Variants in ECT2 observed in about 807,000 individuals in gnomAD.
The protein encoded by ECT2 is epithelial cell transforming 2.
In ECT2, 61 loss-of-function variants were observed where a neutral mutation model predicts 116.9. That is an observed-to-expected ratio of 0.52 (90% confidence interval 0.42 to 0.65). The LOEUF (loss-of-function observed/expected upper bound fraction) is 0.65, where lower values mean the gene tolerates loss of function less well. Among genes scored for constraint, ECT2 ranks in the 30% least tolerant of loss-of-function variants. The pLI, the probability that ECT2 is intolerant of heterozygous loss-of-function variation, is 0.00. For synonymous variants in ECT2, 358 were observed against 346.4 expected, an observed-to-expected ratio of 1.03 and a Z score of -0.37; for missense variants, 937 against 1,078.7, an observed-to-expected ratio of 0.87 and a Z score of 1.84.
At chr3:172,789,060 A>G (rs1724136976) in intron 18 of ECT2, among the ~76,000 whole-genome samples, 1 of 150,538 alleles carries the variant, frequency 6.6e-6, no homozygotes, top group African/African-American at 2.4e-5. Flanking sequence ...TCTGTCTCAA[A>G]AAAAAAAAAA....
intron 12 of ECT2, 118 bp from the exon 13 acceptor site, chr3:172,768,889 T>C (rs111951119): frequency 1.2e-5 from 14 of 1,188,422 alleles, no homozygotes; most frequent in African/African-American, 1.1e-4. Flanking sequence ...ATTGGAAATC[T>C]GTATGGTGGT....
chr3:172,787,451 C>T (rs1723812765), intron 18 of ECT2, among the ~76,000 whole-genome samples: 1 of 152,182 alleles, frequency 6.6e-6, no homozygotes, highest in Admixed American at 6.5e-5. Context: ...CCAAGACTCC[C>T]TCAGATACCA....
At chr3:172,754,747 C>CAATTT (rs1716618899) in intron 2 of ECT2, 87 bp downstream of exon 2, 1 of 1,001,770 alleles carries the variant, frequency 1.0e-6, no homozygotes, top group African/African-American at 1.6e-5. Flanking sequence ...ATTTTAATAC[C>CAATTT]AACTGTAATG....
At chr3:172,795,600 A>G (rs1435163030) in intron 18 of ECT2, among the ~76,000 whole-genome samples, 1 of 152,210 alleles carries the variant, frequency 6.6e-6, no homozygotes, top group African/African-American at 2.4e-5. Context: ...TTAACAGGTT[A>G]TAATTTTGAT....
At chr3:172,829,034 G>T in the ECT2 span, 2 of 787,322 alleles carry the variant, frequency 2.5e-6, no homozygotes, top group Non-Finnish European at 4.5e-6. Context: ...GCCACCTGGA[G>T]TGGGGAGCTG....
chr3:172,761,679 G>A lies in ECT2; in HGVS notation c.754G>A (p.Glu252Lys). ...TTATAAAGCTTGGGAAAGGCGGAAT[G>A]AACAGTAAGTGTTTAGAAACTCAGT... ...WIYKAWERRN[E>K]QDFYAAVDDF... is the part of the protein sequence containing the mutation. The change falls in exon 8 of 25, where the codon GAA (glutamate) becomes AAA (lysine). Residue 252 changes from glutamate to lysine, a missense_variant. By Grantham distance (56) the Glu-to-Lys change is moderately conservative. Coordinates refer to ENST00000392692, the MANE Select transcript of ECT2 (RefSeq NM_001258315.2). 6.2e-7 allele frequency: 1 copy of A among 1,605,682 alleles called. No homozygotes were observed. The highest frequency in any genetic ancestry group is 8.5e-7 in the Non-Finnish European group (1 of 1,173,360).
intron 11 of ECT2, among the ~76,000 whole-genome samples, chr3:172,763,642 T>C (rs1025747959): frequency 6.6e-6 from 1 of 152,300 alleles, no homozygotes; most frequent in Non-Finnish European, 1.5e-5. Flanking sequence ...TAGAATATCG[T>C]TAAGGAAAAT....
intron 4 of ECT2, 86 bp downstream of exon 4, chr3:172,755,661 A>T: frequency 5.6e-6 from 4 of 719,648 alleles, no homozygotes; most frequent in Non-Finnish European, 8.7e-6. Flanking sequence ...AATTAGGCAC[A>T]AGGTGTATTG....
chr3:172,775,940 T>G (rs1390237115), intron 14 of ECT2, among the ~76,000 whole-genome samples: 1 of 152,182 alleles, frequency 6.6e-6, no homozygotes, highest in African/African-American at 2.4e-5. Context: ...TCAAGTAGGT[T>G]TTTATCTTGG....
chr3:172,768,926 C>T, intron 12 of ECT2, 81 bp from the exon 13 acceptor site: 2 of 1,396,606 alleles, frequency 1.4e-6, no homozygotes, highest in East Asian at 2.5e-5. Context: ...GTTTTCTCTC[C>T]TTTTTATCTT....
At chr3:172,797,286 A>G (rs1725877892) in intron 18 of ECT2, among the ~76,000 whole-genome samples, 1 of 151,716 alleles carries the variant, frequency 6.6e-6, no homozygotes, top group Admixed American at 6.6e-5. Flanking sequence ...CCACCGGCCT[A>G]GGTCTCCCAA....
At chr3:172,799,867 C>T (rs1726397959) in intron 18 of ECT2, among the ~76,000 whole-genome samples, 1 of 152,224 alleles carries the variant, frequency 6.6e-6, no homozygotes, top group Admixed American at 6.5e-5. Flanking sequence ...AACACTTTGA[C>T]ATGGCTGCTA....
intron 13 of ECT2, among the ~76,000 whole-genome samples, chr3:172,769,934 G>A (rs1720292611): frequency 6.6e-6 from 1 of 152,114 alleles, no homozygotes; most frequent in Admixed American, 6.5e-5. Flanking sequence ...TTTGGGTTTA[G>A]TTTTTAATTG....
At chr3:172,779,242 G>T (rs923554327) in intron 14 of ECT2, among the ~76,000 whole-genome samples, 1 of 152,152 alleles carries the variant, frequency 6.6e-6, no homozygotes, top group Non-Finnish European at 1.5e-5. Context: ...AGAATTCACT[G>T]CATTATATTG....
chr3:172,799,497 A>G (rs962964471), intron 18 of ECT2, among the ~76,000 whole-genome samples: 1 of 152,226 alleles, frequency 6.6e-6, no homozygotes, highest in Admixed American at 6.5e-5. Context: ...ATTAAATTTC[A>G]CAATCAGTAA....
intron 5 of ECT2, among the ~76,000 whole-genome samples, chr3:172,757,971 C>T (rs1008483514): frequency 1.3e-5 from 2 of 152,032 alleles, no homozygotes; most frequent in Admixed American, 6.6e-5. Context: ...GATTCTACTG[C>T]CTCAGCCTCT....
At chr3:172,771,498 A>G (rs1450238964) in intron 13 of ECT2, 1 of 152,250 alleles carries the variant, frequency 6.6e-6, no homozygotes, top group Non-Finnish European at 1.5e-5. Context: ...ACAAGTGATC[A>G]TTCTGTATTA....
chr3:172,781,640 A>C (rs939367206), intron 14 of ECT2, among the ~76,000 whole-genome samples: 21 of 152,204 alleles, frequency 1.4e-4, no homozygotes, highest in Admixed American at 1.2e-3. Flanking sequence ...AATGACCATG[A>C]AGAATTAACA....
rs71162311 is a variant in ECT2 at position 172,789,220 on chromosome 3, G to GT, written c.1907+2662dup. Reference sequence around the variant, plus strand: ...ATTGCTTCTCTCTCTCTCTTTTTTTGTTTTTTTTTTTTTTTTGAGACAGGA... The same window carrying GT: ...ATTGCTTCTCTCTCTCTCTTTTTTTGTTTTTTTTTTTTTTTTTGAGACAGGA... On this transcript the variant is annotated intron_variant, in intron 18 of 24. Coordinates refer to ENST00000392692, the MANE Select transcript of ECT2 (RefSeq NM_001258315.2). Among the ~76,000 whole-genome samples the GT allele has an allele frequency of 1.9e-3, 203 of 108,840 alleles. 1 individual carries two copies. Among genetic ancestry groups the GT allele is most frequent in the African/African-American group, 4.0e-3 (125 of 31,360 alleles). 71.4% of individuals were successfully genotyped at this position (108,840 alleles called of 152,430 possible).
Sources: allele counts gnomAD v4.1 joint callset (sites outside exome capture counted in the v4.1 genomes callset), GRCh38; gene constraint gnomAD v4.1.1; transcripts MANE v1.5; gene names NCBI Gene and HGNC (gene_info 2026-07-23, HGNC 2026-07-21).